The following FETUB variants were observed in gnomAD, a reference collection of about 807,000 sequenced individuals.
FETUB encodes the protein fetuin B, also known as fetuin-B.
A neutral mutation model predicts 30.9 loss-of-function variants in FETUB; 28 were observed. The observed-to-expected ratio is 0.90, with a 90% CI of 0.67 to 1.24. The LOEUF is 1.24. FETUB is among the 50% of genes most tolerant of loss of function. The pLI is 0.00. For synonymous variants in FETUB, 186 were observed against 175.9 expected (o/e 1.06, Z -0.45); for missense variants, 469 against 455.3 (o/e 1.03, Z -0.27).
intron 6 of FETUB, chr3:186,651,616 A>C (rs1718046333): frequency 3.0e-6 from 1 of 331,370 alleles, no homozygotes. Flanking sequence ...GGGAGAAGTT[A>C]TTTCCATGAA....
At chr3:186,646,804 C>T (rs1284227139) in intron 5 of FETUB, among the ~76,000 whole-genome samples, 2 of 152,124 alleles carry the variant, frequency 1.3e-5, no homozygotes, top group Admixed American at 6.5e-5. Context: ...GCAAAATGCA[C>T]CAAAATACTT....
Position 186,652,684 on chromosome 3 carries a change from C to T in FETUB, c.*53C>T, listed in dbSNP as rs116329575. ...ATGGTGCGCCGCATGACATGGGAGGCGATGGGGACGATGGACAGAGACAGA... is the reference window on the plus strand; with the variant it reads ...ATGGTGCGCCGCATGACATGGGAGGTGATGGGGACGATGGACAGAGACAGA... On this transcript the variant is annotated 3_prime_UTR_variant, in exon 7 of 7. Transcript: ENST00000265029. The T allele has an allele frequency of 0.019, 28,984 of 1,526,394 alleles. 351 individuals carry two copies. Among genetic ancestry groups the T allele is most frequent in the Non-Finnish European group, 0.022 (25,626 of 1,143,236 alleles). 94.6% of individuals were successfully genotyped at this position (1,526,394 alleles called of 1,614,324 possible). A position where few individuals can be genotyped will look rare whatever the true frequency, so the allele number is the denominator to read the frequency against.
At chr3:186,639,002 C>T (rs1445470962), upstream of FETUB, among the ~76,000 whole-genome samples, 4 of 152,184 alleles carry the variant, frequency 2.6e-5, no homozygotes, top group East Asian at 1.9e-4. Flanking sequence ...AAAACTATTT[C>T]TCTCCAGAAA....
intron 3 of FETUB, among the ~76,000 whole-genome samples, chr3:186,644,282 G>A (rs187021397): frequency 8.5e-5 from 13 of 152,230 alleles, no homozygotes; most frequent in Admixed American, 6.5e-4. Context: ...AACGGGGTGC[G>A]CTTCTGCCTT....
intron 5 of FETUB, among the ~76,000 whole-genome samples, chr3:186,648,318 T>A (rs900324721): frequency 3.3e-5 from 5 of 152,244 alleles, no homozygotes; most frequent in Non-Finnish European, 5.9e-5. Context: ...AGTTTATTTC[T>A]TTAATCTCAA....
At chr3:186,650,619 T>C (rs959927215) in intron 5 of FETUB, among the ~76,000 whole-genome samples, 2 of 152,170 alleles carry the variant, frequency 1.3e-5, no homozygotes, top group African/African-American at 4.8e-5. Flanking sequence ...AATATGACTC[T>C]ATTTTGTAGA....
chr3:186,639,602 T>C (rs11918268), upstream of FETUB, among the ~76,000 whole-genome samples: 7,281 of 150,732 alleles, frequency 0.048, 290 homozygotes, highest in African/African-American at 0.1. Context: ...AAAAGATAAT[T>C]GTCTTTTGTA....
chr3:186,646,192 C>A, intron 4 of FETUB, 56 bp from the exon 5 acceptor site: 1 of 1,319,622 alleles, frequency 7.6e-7, no homozygotes, highest in African/African-American at 1.5e-5. Context: ...AAACCTGAGT[C>A]TTTTCCCTAG....
At chr3:186,648,085 T>G (rs1344692471) in intron 5 of FETUB, among the ~76,000 whole-genome samples, 1 of 152,140 alleles carries the variant, frequency 6.6e-6, no homozygotes, top group African/African-American at 2.4e-5. Flanking sequence ...AAGAATGATA[T>G]GTAGATCAAT....
intron 6 of FETUB, 117 bp downstream of exon 6, chr3:186,651,418 G>A (rs558860358): frequency 4.1e-5 from 30 of 724,144 alleles, no homozygotes; most frequent in African/African-American, 7.0e-5. Context: ...ACCACTTTGC[G>A]CAGGCTAGCC....
chr3:186,645,766 C>A (rs911102060), intron 4 of FETUB, among the ~76,000 whole-genome samples: 1 of 119,562 alleles, frequency 8.4e-6, no homozygotes, highest in Non-Finnish European at 1.6e-5. Context: ...CTCACTCTAT[C>A]GCTAGGATAG....
rs371042019 is a variant in FETUB, at chr3:186,646,302, A to T, written c.649A>T (p.Thr217Ser). The T allele has an allele frequency of 6.2e-7, 1 of 1,614,110 alleles. No individual in the cohort carries two copies. Among genetic ancestry groups the T allele is most frequent in the Non-Finnish European group, 8.5e-7 (1 of 1,179,956 alleles). Reference sequence around the variant, plus strand: ...ATACTTAATTAAAGAATCACCATGTACTAAATCCCAGGCCAGCAGCTGTTC... The same window carrying T: ...ATACTTAATTAAAGAATCACCATGTTCTAAATCCCAGGCCAGCAGCTGTTC... ...VEYLIKESPCTKSQASSCSLQ... is the reference protein window; with the variant it reads ...VEYLIKESPCSKSQASSCSLQ... Residue 217 changes from threonine to serine, a missense_variant, in exon 5 of 7, where the codon ACT (threonine) becomes TCT (serine). Thr to Ser is a moderately conservative substitution (Grantham distance 58). Coordinates refer to ENST00000265029, the MANE Select transcript of FETUB (RefSeq NM_014375.3).
chr3:186,651,381 C>T (rs1398793623), intron 6 of FETUB, 80 bp downstream of exon 6: 7 of 954,882 alleles, frequency 7.3e-6, no homozygotes, highest in South Asian at 1.4e-5. Context: ...CTTACCCCCT[C>T]CTTTGATTTT....
Position 186,644,299 on chromosome 3 carries a change from T to C in FETUB, c.425-452T>C, listed in dbSNP as rs971729822. 5.3e-5 allele frequency among the ~76,000 whole-genome samples: 8 copies of C among 152,228 alleles called. No individual in the cohort carries two copies. In the South Asian group the frequency reaches 1.7e-3, roughly 32 times the overall value. On this transcript the variant is annotated intron_variant, in intron 3 of 6. Coordinates refer to ENST00000265029, the MANE Select transcript of FETUB (RefSeq NM_014375.3). ...CGGGGTGCGCTTCTGCCTTCTACTA[T>C]GCCATTCACTTATCCATTCATTCTA...
chr3:186,651,309 T>C lies in FETUB; in HGVS notation c.780+8T>C. 1 of 1,556,780 alleles carries C rather than the reference T, an allele frequency of 6.4e-7. No homozygotes were observed. The highest frequency in any genetic ancestry group is 1.1e-5 in the South Asian group (1 of 89,612). On this transcript the variant is annotated splice_region_variant and intron_variant, in intron 6 of 6. Transcript: ENST00000265029. ...GACTTCTTTGAATCACAGGTATTTT[T>C]CAATCTAATTGCCTGTCTTTCTGTG...
intron 5 of FETUB, among the ~76,000 whole-genome samples, chr3:186,646,683 C>T (rs1448685946): frequency 6.6e-6 from 1 of 152,128 alleles, no homozygotes; most frequent in Non-Finnish European, 1.5e-5. Context: ...AGGACAAAGT[C>T]AAATAGGCCT....
At chr3:186,650,176 G>A (rs868029247) in intron 5 of FETUB, among the ~76,000 whole-genome samples, 2 of 96,150 alleles carry the variant, frequency 2.1e-5, no homozygotes, top group East Asian at 3.7e-4. Context: ...GGGGTGGGGG[G>A]GGGGGGTAAA....
chr3:186,651,392 C>T (rs963887183), intron 6 of FETUB, 91 bp downstream of exon 6: 14 of 862,320 alleles, frequency 1.6e-5, no homozygotes, highest in Non-Finnish European at 2.3e-5. Flanking sequence ...CTTTGATTTT[C>T]CCAACCACCT....
chr3:186,650,879 A>G (rs1233176830), intron 5 of FETUB, among the ~76,000 whole-genome samples: 4 of 152,250 alleles, frequency 2.6e-5, no homozygotes. Context: ...GCTATATAAA[A>G]GATGAAAACA....
Sources: allele counts gnomAD v4.1 joint callset (sites outside exome capture counted in the v4.1 genomes callset), GRCh38; gene constraint gnomAD v4.1.1; transcripts MANE v1.5; gene names NCBI Gene and HGNC (gene_info 2026-07-23, HGNC 2026-07-21).